Variants in CASK observed in about 807,000 individuals in gnomAD.
CASK encodes the protein peripheral plasma membrane protein CASK.
A neutral mutation model predicts 82.9 loss-of-function variants in CASK; 4 were observed. The ratio of observed to expected loss-of-function variants is 0.05; its 90% CI spans 0.02 to 0.11. CASK has a LOEUF of 0.11. CASK is among the 10% of genes least tolerant of loss of function. CASK has a pLI of 1.00. For missense variants in CASK, 358 were observed against 720.9 expected, an observed-to-expected ratio of 0.50 and a Z score of 5.76; for synonymous variants, 259 against 253.5, an observed-to-expected ratio of 1.02 and a Z score of -0.20.
At chrX:41,899,526 G>C (rs748979255) in intron 1 of CASK, among the ~76,000 whole-genome samples, 13 of 111,323 alleles carry the variant, frequency 1.2e-4, no homozygotes, top group Non-Finnish European at 2.3e-4. Context: ...TTCTCTGTAA[G>C]AGAATGCTTT....
At chrX:41,827,958 G>C (rs908224596) in intron 2 of CASK, among the ~76,000 whole-genome samples, 4 of 111,673 alleles carry the variant, frequency 3.6e-5, no homozygotes, top group African/African-American at 9.8e-5. Flanking sequence ...AGAATTAGTA[G>C]AGGATATATC....
At chrX:41,677,205 T>C (rs147090087) in intron 5 of CASK, among the ~76,000 whole-genome samples, 1 of 107,140 alleles carries the variant, frequency 9.3e-6, no homozygotes, top group African/African-American at 3.4e-5. Flanking sequence ...GAGTTTGAGA[T>C]TTTATAAGAT....
intron 3 of CASK, among the ~76,000 whole-genome samples, chrX:41,747,735 C>A (rs2068717283): frequency 8.9e-6 from 1 of 112,587 alleles, no homozygotes; most frequent in South Asian, 3.6e-4. Flanking sequence ...GCCACTGCGC[C>A]CGGCCTACAA....
At chrX:41,813,089 A>G (rs1312060210) in intron 2 of CASK, among the ~76,000 whole-genome samples, 2 of 111,844 alleles carry the variant, frequency 1.8e-5, no homozygotes, top group Non-Finnish European at 3.8e-5. Context: ...AGGAAATAAA[A>G]GAGGACACAA....
chrX:41,776,200 A>G (rs901903425), intron 3 of CASK, among the ~76,000 whole-genome samples: 1 of 112,220 alleles, frequency 8.9e-6, no homozygotes, highest in Non-Finnish European at 1.9e-5. Flanking sequence ...TTATAGCAGC[A>G]TCACCACAAA....
At chrX:41,651,221 AC>A (rs761473878) in intron 8 of CASK, among the ~76,000 whole-genome samples, 5 of 112,139 alleles carry the variant, frequency 4.5e-5, no homozygotes, top group Middle Eastern at 4.6e-3. Context: ...TTGAAAAATG[AC>A]TAAAATGCCT....
chrX:41,843,294 TG>T (rs1471778455), intron 2 of CASK, among the ~76,000 whole-genome samples: 18 of 111,899 alleles, frequency 1.6e-4, no homozygotes, highest in Non-Finnish European at 2.6e-4. Context: ...AGTTAGACTT[TG>T]GTTTTTCCTA....
chrX:41,915,013 C>T (rs971957132), intron 1 of CASK, among the ~76,000 whole-genome samples: 2 of 111,767 alleles, frequency 1.8e-5, no homozygotes, highest in Non-Finnish European at 3.8e-5. Context: ...GTTATAGCCA[C>T]ATGTGTTCTT....
At chrX:41,708,357 G>T (rs190408445) in intron 5 of CASK, among the ~76,000 whole-genome samples, 334 of 111,546 alleles carry the variant, frequency 3.0e-3, no homozygotes, top group African/African-American at 0.01. Flanking sequence ...ATTAAAAAAA[G>T]TTAAAGAAAA....
intron 1 of CASK, among the ~76,000 whole-genome samples, chrX:41,881,160 T>C (rs969341151): frequency 5.4e-5 from 6 of 111,843 alleles, no homozygotes; most frequent in Non-Finnish European, 1.1e-4. Flanking sequence ...TTAGCTTAAG[T>C]ATCTAAGAAT....
chrX:41,840,306 C>A (rs1055362269), intron 2 of CASK, among the ~76,000 whole-genome samples: 3 of 111,767 alleles, frequency 2.7e-5, no homozygotes, highest in Non-Finnish European at 5.7e-5. Context: ...TTTTGTTATG[C>A]TTATACATAA....
intron 2 of CASK, among the ~76,000 whole-genome samples, chrX:41,794,554 T>C (rs1247826723): frequency 8.9e-6 from 1 of 112,291 alleles, no homozygotes; most frequent in Non-Finnish European, 1.9e-5. Context: ...TTCCTTACTT[T>C]ATACAAGAAA....
chrX:41,639,075 CTT>C (rs11377176), intron 8 of CASK, among the ~76,000 whole-genome samples: 3 of 92,945 alleles, frequency 3.2e-5, no homozygotes, highest in Non-Finnish European at 6.4e-5. Flanking sequence ...CAACCCTCAA[CTT>C]TTTTTTTTTT....
At chrX:41,632,193 CACA>C (rs2147352603) in intron 9 of CASK, among the ~76,000 whole-genome samples, 1 of 112,110 alleles carries the variant, frequency 8.9e-6, no homozygotes, top group Admixed American at 9.5e-5. Context: ...AGCTGAAGCC[CACA>C]ACGACTGCTA....
chrX:41,876,245 A>G (rs1306155492), intron 1 of CASK, among the ~76,000 whole-genome samples: 1 of 111,423 alleles, frequency 9.0e-6, no homozygotes, highest in African/African-American at 3.3e-5. Context: ...TAACTCACTT[A>G]ATTCTCATAA....
intron 14 of CASK, among the ~76,000 whole-genome samples, chrX:41,582,802 A>C (rs1460268166): frequency 9.0e-6 from 1 of 111,103 alleles, no homozygotes; most frequent in Non-Finnish European, 1.9e-5. Context: ...TCTCAGCCCA[A>C]ATGTCTACTC....
chrX:41,555,927 A>C, intron 19 of CASK: 1 of 15 alleles, frequency 0.067, no homozygotes, highest in African/African-American at 0.14. Context: ...ACAGCCTATT[A>C]AAAAAAAAAA....
chrX:41,888,633 GTATGTATATA>G (rs1279786990), intron 1 of CASK, among the ~76,000 whole-genome samples: 1 of 105,452 alleles, frequency 9.5e-6, no homozygotes, highest in African/African-American at 3.5e-5. Context: ...ATATATATAT[GTATGTATATA>G]TATGTGTATA....
intron 8 of CASK, among the ~76,000 whole-genome samples, chrX:41,647,946 C>T (rs1430836279): frequency 1.8e-5 from 2 of 111,698 alleles, no homozygotes; most frequent in African/African-American, 6.5e-5. Context: ...GTTTGAGCAA[C>T]ATGAAATGTA....
Sources: gnomAD v4.1 joint callset for allele counts (sites outside exome capture counted in the v4.1 genomes callset) on GRCh38, gnomAD v4.1.1 for gene constraint, MANE v1.5 for transcripts, NCBI Gene and HGNC (gene_info 2026-07-23, HGNC 2026-07-21) for gene names.